Variants in ZNF23 observed in about 807,000 individuals in gnomAD.
ZNF23 encodes the protein kruppel-like zinc finger factor X31.
In ZNF23, 48 loss-of-function variants were observed where a neutral mutation model predicts 56.2. The observed-to-expected ratio is 0.85, with a 90% CI of 0.68 to 1.09. The LOEUF (loss-of-function observed/expected upper bound fraction) is 1.09. Among genes scored for constraint, ZNF23 ranks in the 50% least tolerant of loss-of-function variants. The pLI, the probability that ZNF23 is intolerant of heterozygous loss-of-function variation, is 0.00. For synonymous variants in ZNF23, 266 were observed against 283.3 expected, an observed-to-expected ratio of 0.94 and a Z score of 0.61; for missense variants, 805 against 811.4, an observed-to-expected ratio of 0.99 and a Z score of 0.10.
chr16:71,461,856 C>T (rs1176926826), intron 1 of ZNF23: 1 of 152,326 alleles, frequency 6.6e-6, no homozygotes. Context: ...TGTCAAAAGA[C>T]TTGTGGTATC....
intron 2 of ZNF23, among the ~76,000 whole-genome samples, chr16:71,455,837 G>T (rs941901379): frequency 6.6e-6 from 1 of 152,122 alleles, no homozygotes; most frequent in South Asian, 2.1e-4. Flanking sequence ...AACATCACTG[G>T]TTCCACAGCT....
At chr16:71,450,312 G>A (rs2043009978) in intron 4 of ZNF23, 1 of 162,480 alleles carries the variant, frequency 6.2e-6, no homozygotes, top group Non-Finnish European at 1.3e-5. Context: ...TTGAATAGGT[G>A]TCAATATTAT....
chr16:71,453,310 C>A lies in ZNF23; in HGVS notation c.201G>T (p.Glu67Asp). The A allele has an allele frequency of 6.2e-7, 1 of 1,606,206 alleles. No individual in the cohort carries two copies. Among genetic ancestry groups the A allele is most frequent in the Non-Finnish European group, 8.5e-7 (1 of 1,176,010 alleles). The change falls in exon 4 of 5, where the codon GAG becomes GAT. Residue 67 changes from glutamate (E) to aspartate (D), a missense_variant. Physicochemically the swap from Glu to Asp is conservative, Grantham distance 45. Coordinates refer to ENST00000647773, the MANE Select transcript of ZNF23 (RefSeq NM_001381984.1). ...LLKPAVISQLEGGSELGGSSP... is the reference protein window; with the variant it reads ...LLKPAVISQLDGGSELGGSSP... ...ATGAGCCCCCCAGCTCACTTCCTCC[C>A]TCCAGTTGTGAGATCACAGCAGGTT...
At chr16:71,454,224 T>C in intron 2 of ZNF23, 56 bp from the exon 3 acceptor site, 53 of 1,579,810 alleles carry the variant, frequency 3.4e-5, no homozygotes, top group Non-Finnish European at 4.5e-5. Context: ...AGGCCCTAAG[T>C]GAGGGGCAGA....
At chr16:71,454,010 G>C (rs1379246309) in intron 3 of ZNF23, 32 bp downstream of exon 3, 2 of 1,613,398 alleles carry the variant, frequency 1.2e-6, no homozygotes. Flanking sequence ...CCAATTGGCA[G>C]ATTCCAGGTT....
At position 71,449,867 on chromosome 16, in the gene ZNF23, T is replaced by C. The variant is rs370162998; in HGVS notation, c.287A>G (p.Asn96Ser). The C allele has an allele frequency of 4.4e-6, 7 of 1,603,232 alleles. No individual in the cohort carries two copies. The highest frequency in any genetic ancestry group is 4.0e-5 in the African/African-American group (3 of 74,114). ...TTCATACATTTCCTTTGTCAAATCA[T>C]TGTCAGTCTGAATATCTACTATAAA... ...GLQTVDIQTDNDLTKEMYEGK... is the reference protein window; with the variant it reads ...GLQTVDIQTDSDLTKEMYEGK... Residue 96 changes from asparagine to serine, a missense_variant, in exon 5 of 5, where the codon AAT becomes AGT. Transcript: ENST00000647773.
At chr16:71,450,535 A>T in intron 4 of ZNF23, 1 of 305,840 alleles carries the variant, frequency 3.3e-6, no homozygotes, top group Non-Finnish European at 6.5e-6. Flanking sequence ...CCTGGGCAAC[A>T]CAGTGAAACC....
chr16:71,456,243 C>T, intron 2 of ZNF23: 2 of 353,588 alleles, frequency 5.7e-6, no homozygotes, highest in East Asian at 1.6e-4. Context: ...GCATCCTAAA[C>T]TTTGAAAGCT....
chr16:71,448,569 T>A lies in ZNF23; in HGVS notation c.1585A>T (p.Thr529Ser), dbSNP rs756055759. 1.9e-6 allele frequency: 3 copies of A among 1,614,086 alleles called. No homozygotes were observed. The South Asian group carries it at 3.3e-5, about 18-fold the overall frequency. The part of the protein sequence containing the change: ...FECNECGRCF[T>S]SKRNLLDHHR... The stretch of plus-strand genomic sequence containing the variant: ...TGATCAAGTAGGTTTCTTTTAGAAG[T>A]AAAGCATCTCCCACACTCATTACAT... Residue 529 changes from threonine to serine, a missense_variant, in exon 5 of 5, where the codon ACT becomes TCT. Thr to Ser is a moderately conservative substitution (Grantham distance 58, BLOSUM62 1). Coordinates refer to ENST00000647773, the MANE Select transcript of ZNF23 (RefSeq NM_001381984.1).
chr16:71,457,562 CAAA>C (rs879401364), intron 1 of ZNF23, among the ~76,000 whole-genome samples: 1 of 138,054 alleles, frequency 7.2e-6, no homozygotes, highest in Admixed American at 7.2e-5. Flanking sequence ...GACTCCGTCT[CAAA>C]AAAAAAAAAA....
chr16:71,448,336 C>T lies in ZNF23; in HGVS notation c.1818G>A (p.Lys606=), dbSNP rs2042921735. ...IHTGEKPFQC[K]ECGKAFHVNA... is the part of the protein sequence containing the mutation. ...TAACATGGAAGGCTTTTCCACACTC[C>T]TTACACTGAAAGGGTTTCTCTCCTG... The change falls in exon 5 of 5, where the codon AAG becomes AAA. Residue 606 remains lysine (K), a synonymous_variant. Transcript: ENST00000647773. 2 of 1,611,000 alleles carry T rather than the reference C, an allele frequency of 1.2e-6. No individual in the cohort carries two copies. Among genetic ancestry groups the T allele is most frequent in the African/African-American group, 2.7e-5 (2 of 74,470 alleles).
Position 71,454,035 on chromosome 16 carries a change from G to A in ZNF23, c.160+7C>T. 1 of 1,614,018 alleles carries A rather than the reference G, an allele frequency of 6.2e-7. No homozygotes were observed. Among genetic ancestry groups the A allele is most frequent in the Non-Finnish European group, 8.5e-7 (1 of 1,179,948 alleles). Reference sequence around the variant, plus strand: ...GATTCCAGGTTCCCAGGGTAGAGAGGTCTTACCCAGGGAGGCCACATTCCC... The same window carrying A: ...GATTCCAGGTTCCCAGGGTAGAGAGATCTTACCCAGGGAGGCCACATTCCC... On this transcript the variant is annotated splice_region_variant and intron_variant, in intron 3 of 4. Coordinates refer to ENST00000647773, the MANE Select transcript of ZNF23 (RefSeq NM_001381984.1).
chr16:71,453,262 GC>G lies in ZNF23; in HGVS notation c.248del (p.Gly83AlafsTer8). ...GGSSPLAAGT[G>X]LQGLQTVDIQ... ...CCTTACCAGTCTGGAGGCCCTGGAG[GC>G]CTGTTCCTGCAGCCAGTGGAGATGA... On this transcript the variant is annotated frameshift_variant, in exon 4 of 5. Transcript: ENST00000647773. LOFTEE classifies it high-confidence loss of function. The G allele has an allele frequency of 6.2e-7, 1 of 1,608,086 alleles. No individual in the cohort carries two copies. The highest frequency in any genetic ancestry group is 8.5e-7 in the Non-Finnish European group (1 of 1,176,970).
rs200285721 is a variant in ZNF23, at chr16:71,449,004, A to G, written c.1150T>C (p.Cys384Arg). Reference sequence around the variant, plus strand: ...GAGCTGCACCTGAAGCCTTTTCCACATTCATTACATTCATAAGGTTTCTCT... The same window carrying G: ...GAGCTGCACCTGAAGCCTTTTCCACGTTCATTACATTCATAAGGTTTCTCT... ...TGEKPYECNE[C>R]GKGFRCSSQL... The change falls in exon 5 of 5, where the codon TGT (cysteine) becomes CGT (arginine). Residue 384 changes from cysteine to arginine, a missense_variant. Physicochemically the swap from Cys to Arg is radical, Grantham distance 180 (BLOSUM62 -3). Coordinates refer to ENST00000647773, the MANE Select transcript of ZNF23 (RefSeq NM_001381984.1). 9.3e-6 allele frequency: 15 copies of G among 1,614,194 alleles called. No homozygotes were observed. The East Asian group carries it at 3.3e-4, about 36-fold the overall frequency.
chr16:71,459,740 G>C (rs1261919708), intron 1 of ZNF23, among the ~76,000 whole-genome samples: 2 of 152,100 alleles, frequency 1.3e-5, no homozygotes, highest in Non-Finnish European at 1.5e-5. Context: ...ATAGTTTACT[G>C]TTGCTAATTT....
At chr16:71,452,166 G>A (rs2043077423) in intron 4 of ZNF23, 7 of 152,100 alleles carry the variant, frequency 4.6e-5, no homozygotes, top group Admixed American at 4.6e-4. Context: ...TAAAATACAG[G>A]GTCCTTTGAT....
In ZNF23 at chr16:71,449,351, T is replaced by G. The variant is rs1389770684; in HGVS notation, c.803A>C (p.Lys268Thr). 1 of 1,614,098 alleles carries G rather than the reference T, an allele frequency of 6.2e-7. No individual in the cohort carries two copies. Among genetic ancestry groups the G allele is most frequent in the Non-Finnish European group, 8.5e-7 (1 of 1,180,048 alleles). ...QRLHSGEKPFKCVECGKSFSY... is the reference protein window; with the variant it reads ...QRLHSGEKPFTCVECGKSFSY... ...GAAGCTTTTCCCACACTCCACACAT[T>G]TGAAGGGTTTCTCCCCACTGTGAAG... is the stretch of plus-strand genomic sequence containing the variant. The change falls in exon 5 of 5, where the codon AAA becomes ACA. Residue 268 changes from lysine to threonine, a missense_variant. Transcript: ENST00000647773.
intron 4 of ZNF23, chr16:71,450,210 G>C (rs2043006476): frequency 5.4e-6 from 1 of 186,800 alleles, no homozygotes; most frequent in Admixed American, 5.9e-5. Context: ...TACATACCTA[G>C]AAAACTTCTA....
At chr16:71,452,187 C>A (rs1469371241) in intron 4 of ZNF23, 2 of 152,212 alleles carry the variant, frequency 1.3e-5, no homozygotes, top group African/African-American at 4.8e-5. Context: ...TAAGACCTCA[C>A]AATATCACTT....
Sources: allele counts gnomAD v4.1 joint callset (sites outside exome capture counted in the v4.1 genomes callset), GRCh38; gene constraint gnomAD v4.1.1; transcripts MANE v1.5; gene names NCBI Gene and HGNC (gene_info 2026-07-23, HGNC 2026-07-21).